The following FAM20A variants were observed in gnomAD, a reference collection of about 807,000 sequenced individuals.
FAM20A encodes the protein pseudokinase FAM20A.
A neutral mutation model predicts 52.0 loss-of-function variants in FAM20A; 42 were observed. That is an observed-to-expected ratio of 0.81 (90% CI 0.63 to 1.04). FAM20A has a LOEUF of 1.04. Among genes scored for constraint, FAM20A ranks in the 50% least tolerant of loss-of-function variants. The pLI, the probability that FAM20A is intolerant of heterozygous loss-of-function variation, is 0.00. For missense variants in FAM20A, 742 were observed against 712.7 expected (o/e 1.04, Z -0.47); for synonymous variants, 304 against 298.9 (o/e 1.02, Z -0.18).
intron 1 of FAM20A, among the ~76,000 whole-genome samples, chr17:68,590,835 G>A (rs1020227919): frequency 7.2e-5 from 11 of 152,212 alleles, no homozygotes; most frequent in African/African-American, 2.6e-4. Context: ...TAATGACTCC[G>A]CCTCCCTGGC....
intron 4 of FAM20A, among the ~76,000 whole-genome samples, chr17:68,548,725 A>ATT (rs753348891): frequency 0.032 from 2,509 of 78,934 alleles, 99 homozygotes; most frequent in African/African-American, 0.043. Flanking sequence ...ATGCCTGTAT[A>ATT]TTTTTTTTTT....
chr17:68,554,794 G>A lies in FAM20A; in HGVS notation c.623C>T (p.Ala208Val), dbSNP rs759822376. The A allele has an allele frequency of 6.2e-7, 1 of 1,614,130 alleles. No homozygotes were observed. Among genetic ancestry groups the A allele is most frequent in the Non-Finnish European group, 8.5e-7 (1 of 1,180,008 alleles). Residue 208 changes from alanine to valine, a missense_variant, in exon 3 of 11, where the codon GCA becomes GTA. Coordinates refer to ENST00000592554, the MANE Select transcript of FAM20A (RefSeq NM_017565.4). The stretch of plus-strand genomic sequence containing the variant: ...TCACTTACTCTGGGTGCAGTCACAT[G>A]CCCCCAGCAAGGCTTTCTCATCTTG... ...YSQDEKALLG[A>V]CDCTQIVKPS...
rs749045492 is a variant in FAM20A at position 68,600,491 on chromosome 17, G to A, written c.176C>T (p.Ala59Val). The change falls in exon 1 of 11, where the codon GCA becomes GTA. Residue 59 changes from alanine to valine, a missense_variant. By Grantham distance (64) the Ala-to-Val change is moderately conservative. Transcript: ENST00000592554. This position sits in a 1 kb window ranked among gnomAD's most constrained non-coding sequence, Gnocchi z 6.2. ...RASSLARDSA[A>V]AASDPGTIVH... ...GATCGTGCCGGGGTCCGAGGCAGCT[G>A]CGGCCGAGTCCCGCGCCAGGGAGGA... 3.1e-6 allele frequency: 5 copies of A among 1,596,768 alleles called. No homozygotes were observed. The African/African-American group carries it at 6.7e-5, about 21-fold the overall frequency.
chr17:68,550,101 G>A (rs2086763424), intron 4 of FAM20A, among the ~76,000 whole-genome samples: 2 of 151,996 alleles, frequency 1.3e-5, no homozygotes, highest in African/African-American at 2.4e-5. Context: ...AGGGGAGTGG[G>A]GAAATAAGTT....
intron 1 of FAM20A, among the ~76,000 whole-genome samples, chr17:68,561,066 T>G (rs1363670108): frequency 6.6e-6 from 1 of 152,232 alleles, no homozygotes; most frequent in Non-Finnish European, 1.5e-5. Context: ...ATTTGCATTT[T>G]TCTCCCAGTT....
chr17:68,563,360 G>C (rs1156257368), intron 1 of FAM20A, among the ~76,000 whole-genome samples: 1 of 146,074 alleles, frequency 6.8e-6, no homozygotes, highest in Admixed American at 7.0e-5. Flanking sequence ...CACTCCAGCC[G>C]AGGCAACAAG....
At chr17:68,540,759 C>G (rs1053826197) in intron 8 of FAM20A, 90 bp downstream of exon 8, 57 of 1,493,288 alleles carry the variant, frequency 3.8e-5, no homozygotes, top group Non-Finnish European at 5.0e-5. Context: ...TCCTCATGAA[C>G]CAGGTTGTAA....
chr17:68,586,532 C>T (rs2088168777), intron 1 of FAM20A, among the ~76,000 whole-genome samples: 1 of 152,098 alleles, frequency 6.6e-6, no homozygotes. Flanking sequence ...GAGAAAGACC[C>T]ACATAGAGGA....
intron 4 of FAM20A, among the ~76,000 whole-genome samples, chr17:68,546,452 A>G (rs999010540): frequency 1.3e-5 from 2 of 152,036 alleles, no homozygotes; most frequent in Non-Finnish European, 2.9e-5. Flanking sequence ...ACTCCTTTCC[A>G]GAAAGTTTTC....
Position 68,551,891 on chromosome 17 carries a change from G to T in FAM20A, c.701C>A (p.Ala234Asp), listed in dbSNP as rs2086852271. ...CACTTACCTCATGGGTTTGAACATGGCCTTCCCGAAATCCGAGAACCTCAG... is the reference window on the plus strand; with the variant it reads ...CACTTACCTCATGGGTTTGAACATGTCCTTCCCGAAATCCGAGAACCTCAG... ...LVLRFSDFGK[A>D]MFKPMRQQRD... The change falls in exon 4 of 11, where the codon GCC becomes GAC. Residue 234 changes from alanine to aspartate, a missense_variant. By Grantham distance (126) the Ala-to-Asp change is moderately radical (BLOSUM62 -2). Coordinates refer to ENST00000592554, the MANE Select transcript of FAM20A (RefSeq NM_017565.4). 6.3e-7 allele frequency: 1 copy of T among 1,586,268 alleles called. No homozygotes were observed.
intron 1 of FAM20A, among the ~76,000 whole-genome samples, chr17:68,583,120 T>G (rs2088061215): frequency 6.6e-6 from 1 of 152,088 alleles, no homozygotes; most frequent in Admixed American, 6.5e-5. Context: ...ACTGCCAAGT[T>G]TCTCTTAACC....
At position 68,536,104 on chromosome 17, in the gene FAM20A, A is replaced by G. The variant is rs1182509077; in HGVS notation, c.*1373T>C. ...GAGACACAAAGTCCAGGGGCAGCAT[A>G]CCAGTCATGTGGGGGTACCACGGGG... On this transcript the variant is annotated 3_prime_UTR_variant, in exon 11 of 11. Transcript: ENST00000592554. 1 of 454,088 alleles carries G rather than the reference A, an allele frequency of 2.2e-6. No homozygotes were observed. Among genetic ancestry groups the G allele is most frequent in the South Asian group, 1.6e-5 (1 of 64,472 alleles). 28.1% of individuals were successfully genotyped at this position (454,088 alleles called of 1,614,324 possible).
chr17:68,599,720 T>G (rs2088557023), intron 1 of FAM20A, among the ~76,000 whole-genome samples: 1 of 152,180 alleles, frequency 6.6e-6, no homozygotes, highest in African/African-American at 2.4e-5. Context: ...CCTTGTGATC[T>G]CTGAAACTGG....
intron 1 of FAM20A, among the ~76,000 whole-genome samples, chr17:68,586,677 T>G (rs2088171935): frequency 6.6e-6 from 1 of 152,238 alleles, no homozygotes; most frequent in African/African-American, 2.4e-5. Flanking sequence ...AGCCTCTGGA[T>G]GGCGTGCTGC....
chr17:68,544,450 G>C (rs1317976928), intron 4 of FAM20A, among the ~76,000 whole-genome samples: 1 of 152,156 alleles, frequency 6.6e-6, no homozygotes, highest in African/African-American at 2.4e-5. Context: ...CCTCTAGGCT[G>C]ACTTTGCCTC....
At chr17:68,544,834 T>C (rs1158559254) in intron 4 of FAM20A, among the ~76,000 whole-genome samples, 1 of 152,222 alleles carries the variant, frequency 6.6e-6, no homozygotes, top group African/African-American at 2.4e-5. Context: ...GAACATATCA[T>C]CTTTCAGACA....
chr17:68,547,933 G>T (rs192633437), intron 4 of FAM20A, among the ~76,000 whole-genome samples: 1 of 152,082 alleles, frequency 6.6e-6, no homozygotes, highest in African/African-American at 2.4e-5. Flanking sequence ...ATAATTTCTC[G>T]CTTCCCATTT....
intron 3 of FAM20A, among the ~76,000 whole-genome samples, chr17:68,553,989 C>CAT (rs1568741482): frequency 0.031 from 3,990 of 129,232 alleles, 128 homozygotes; most frequent in Middle Eastern, 0.038. Context: ...TGCATATATA[C>CAT]ATATACACAC....
intron 1 of FAM20A, among the ~76,000 whole-genome samples, chr17:68,562,576 C>A (rs142167723): frequency 6.6e-6 from 1 of 152,092 alleles, no homozygotes; most frequent in Non-Finnish European, 1.5e-5. Flanking sequence ...CTTTCTCATT[C>A]CTCCATGTGT....
Sources: gnomAD v4.1 joint callset for allele counts (sites outside exome capture counted in the v4.1 genomes callset) on GRCh38, gnomAD v4.1.1 for gene constraint, Gnocchi (gnomAD v3.1) non-coding constraint, MANE v1.5 for transcripts, NCBI Gene and HGNC (gene_info 2026-07-23, HGNC 2026-07-21) for gene names.